Variants in NR6A1 observed in about 807,000 individuals in gnomAD.
The protein encoded by NR6A1 is retinoic acid receptor-related testis-associated receptor.
A neutral mutation model predicts 59.1 loss-of-function variants in NR6A1; 7 were observed. That is an observed-to-expected ratio of 0.12 (90% CI 0.07 to 0.22). The LOEUF (loss-of-function observed/expected upper bound fraction) is 0.22, where lower values mean the gene tolerates loss of function less well. Among genes scored for constraint, NR6A1 ranks in the 10% least tolerant of loss-of-function variants. The probability of loss-of-function intolerance (pLI) is 1.00; values close to 1 mark genes in which losing one functional copy is unlikely to be tolerated. For missense variants in NR6A1, 468 were observed against 611.6 expected (o/e 0.77, Z 2.48); for synonymous variants, 243 against 236.1 (o/e 1.03, Z -0.27).
chr9:124,597,998 C>T (rs1402061835), intron 2 of NR6A1, among the ~76,000 whole-genome samples: 1 of 152,096 alleles, frequency 6.6e-6, no homozygotes, highest in East Asian at 1.9e-4. Context: ...TACAGGCACG[C>T]ACCACCACGC....
Position 124,720,846 on chromosome 9 carries a change from C to T in NR6A1, c.142+12462G>A, listed in dbSNP as rs1294988437. On this transcript the variant is annotated intron_variant, in intron 2 of 9. Coordinates refer to ENST00000487099, the MANE Select transcript of NR6A1 (RefSeq NM_033334.4). ...CAGTGACTTTAATCTAGGGTATCCC[C>T]CCACTACTGATACGTTTGCCTAACA... Among the ~76,000 whole-genome samples the T allele has an allele frequency of 5.3e-5, 8 of 152,154 alleles. No individual in the cohort carries two copies. The South Asian group carries it at 1.2e-3, about 24-fold the overall frequency.
chr9:124,711,828 T>C (rs1196574960), intron 2 of NR6A1, among the ~76,000 whole-genome samples: 2 of 152,238 alleles, frequency 1.3e-5, no homozygotes, highest in Non-Finnish European at 2.9e-5. Flanking sequence ...AGTCTCACTA[T>C]GCTGCCCAGG....
intron 2 of NR6A1, among the ~76,000 whole-genome samples, chr9:124,556,132 A>G (rs745336136): frequency 2.0e-5 from 3 of 152,236 alleles, no homozygotes; most frequent in Non-Finnish European, 4.4e-5. Flanking sequence ...ATGCTACCTT[A>G]TAAAGGAAAA....
At chr9:124,729,075 A>G (rs550356600) in intron 2 of NR6A1, among the ~76,000 whole-genome samples, 2 of 152,312 alleles carry the variant, frequency 1.3e-5, no homozygotes, top group South Asian at 4.1e-4. Flanking sequence ...AAAAAAACTT[A>G]CTAAAACCTA....
intron 2 of NR6A1, among the ~76,000 whole-genome samples, chr9:124,686,545 CAGAA>C (rs1165594342): frequency 1.3e-5 from 2 of 152,008 alleles, no homozygotes; most frequent in African/African-American, 4.8e-5. Context: ...TAGAGTAACT[CAGAA>C]GAGTTTTTCA....
intron 2 of NR6A1, among the ~76,000 whole-genome samples, chr9:124,650,665 C>T (rs1837072912): frequency 6.6e-6 from 1 of 152,198 alleles, no homozygotes; most frequent in Non-Finnish European, 1.5e-5. Flanking sequence ...GATCATTACA[C>T]ATTGTATGCA....
intron 2 of NR6A1, among the ~76,000 whole-genome samples, chr9:124,590,410 C>G (rs1835081407): frequency 6.6e-6 from 1 of 151,966 alleles, no homozygotes; most frequent in African/African-American, 2.4e-5. Context: ...GAGAGCAAAT[C>G]CCACTGCTAG....
intron 2 of NR6A1, among the ~76,000 whole-genome samples, chr9:124,672,089 A>G (rs1044864547): frequency 6.6e-6 from 1 of 152,172 alleles, no homozygotes; most frequent in Non-Finnish European, 1.5e-5. Context: ...CGTTTCCTCA[A>G]CATCCTGTCT....
chr9:124,523,725 G>A (rs1373159544), intron 9 of NR6A1, among the ~76,000 whole-genome samples: 1 of 151,974 alleles, frequency 6.6e-6, no homozygotes, highest in Non-Finnish European at 1.5e-5. Context: ...TTTAGGCCCA[G>A]CTCACATTTG....
intron 3 of NR6A1, among the ~76,000 whole-genome samples, chr9:124,548,383 G>A (rs1833665950): frequency 6.6e-6 from 1 of 152,188 alleles, no homozygotes; most frequent in Non-Finnish European, 1.5e-5. Flanking sequence ...TTGGGAGACT[G>A]AGGCGGGAGG....
At chr9:124,755,917 G>A (rs931056145) in intron 1 of NR6A1, among the ~76,000 whole-genome samples, 21 of 152,108 alleles carry the variant, frequency 1.4e-4, no homozygotes, top group African/African-American at 4.8e-4. Context: ...TTAAGATGGG[G>A]AAAAGATAGA....
At chr9:124,532,029 C>A (rs1833115370) in intron 7 of NR6A1, among the ~76,000 whole-genome samples, 1 of 152,186 alleles carries the variant, frequency 6.6e-6, no homozygotes, top group Non-Finnish European at 1.5e-5. Flanking sequence ...TGTAATTCCT[C>A]CACTTAAAAA....
At chr9:124,630,213 T>TTG (rs1554736721) in intron 2 of NR6A1, among the ~76,000 whole-genome samples, 1 of 145,032 alleles carries the variant, frequency 6.9e-6, no homozygotes, top group Non-Finnish European at 1.5e-5. Flanking sequence ...CAAATCAGTT[T>TTG]TTTTTTTTTT....
chr9:124,596,325 G>A (rs1021100376), intron 2 of NR6A1, among the ~76,000 whole-genome samples: 3 of 152,088 alleles, frequency 2.0e-5, no homozygotes, highest in African/African-American at 7.2e-5. Flanking sequence ...TGGGGGGCGT[G>A]CAGAAGTGGG....
At chr9:124,740,321 G>C (rs140958442) in intron 1 of NR6A1, among the ~76,000 whole-genome samples, 11 of 152,108 alleles carry the variant, frequency 7.2e-5, no homozygotes, top group Admixed American at 6.5e-4. Context: ...GTTTTTCAGG[G>C]ACCTATGAGG....
intron 2 of NR6A1, chr9:124,599,568 T>C: frequency 1.0e-6 from 1 of 952,744 alleles, no homozygotes; most frequent in Non-Finnish European, 1.4e-6. Flanking sequence ...TGAGTGTCCG[T>C]GGCAGCCGCC....
chr9:124,687,735 G>C (rs1022956503), intron 2 of NR6A1, among the ~76,000 whole-genome samples: 1 of 152,148 alleles, frequency 6.6e-6, no homozygotes, highest in Non-Finnish European at 1.5e-5. Flanking sequence ...CAAAGTGCTG[G>C]GATCAGATGC....
intron 2 of NR6A1, among the ~76,000 whole-genome samples, chr9:124,641,933 C>T (rs1836777635): frequency 6.6e-6 from 1 of 152,196 alleles, no homozygotes; most frequent in Non-Finnish European, 1.5e-5. Context: ...ACAGGTAAAA[C>T]ATACAGGCCT....
intron 2 of NR6A1, among the ~76,000 whole-genome samples, chr9:124,568,155 G>A (rs1255064241): frequency 1.1e-5 from 1 of 92,650 alleles, no homozygotes; most frequent in Non-Finnish European, 1.9e-5. Flanking sequence ...GCCTGGCAGA[G>A]CAATACTTCA....
Sources: gnomAD v4.1 joint callset for allele counts (sites outside exome capture counted in the v4.1 genomes callset) on GRCh38, gnomAD v4.1.1 for gene constraint, MANE v1.5 for transcripts, NCBI Gene and HGNC (gene_info 2026-07-23, HGNC 2026-07-21) for gene names.